DST: variants seen among roughly 807,000 people sequenced by gnomAD.
The protein encoded by DST is dystonin.
Under a neutral mutation model 875.2 loss-of-function variants are expected in DST, and 253 were observed. The observed-to-expected ratio is 0.29, with a 90% CI of 0.26 to 0.32. The LOEUF is 0.32. Among genes scored for constraint, DST ranks in the 10% least tolerant of loss-of-function variants. The pLI, the probability that DST is intolerant of heterozygous loss-of-function variation, is 1.00. For synonymous variants in DST, 3,124 were observed against 3,197.1 expected (o/e 0.98, Z 0.77); for missense variants, 8,287 against 9,111.6 (o/e 0.91, Z 3.68).
intron 50 of DST, among the ~76,000 whole-genome samples, chr6:56,574,830 A>C (rs1172400494): frequency 6.6e-6 from 1 of 152,188 alleles, no homozygotes; most frequent in East Asian, 1.9e-4. Context: ...TTTGAAAAAT[A>C]TTTTAATTAT....
At chr6:56,615,023 A>C in intron 36 of DST, 12 of 1,004,848 alleles carry the variant, frequency 1.2e-5, no homozygotes, top group Non-Finnish European at 1.3e-5. Flanking sequence ...AGGTCACTAT[A>C]TACAGAAAAA....
intron 80 of DST, 85 bp from the exon 81 acceptor site, chr6:56,498,138 T>C (rs750241750): frequency 1.5e-6 from 2 of 1,322,150 alleles, no homozygotes; most frequent in East Asian, 4.6e-5. Flanking sequence ...TTTCTGGTTA[T>C]GAAACATCCT....
intron 3 of DST, among the ~76,000 whole-genome samples, chr6:56,857,655 C>G (rs1404493455): frequency 6.6e-6 from 1 of 152,136 alleles, no homozygotes; most frequent in African/African-American, 2.4e-5. Context: ...TAAACAAAAA[C>G]AGAAAATTTT....
In DST at chr6:56,477,441, G is replaced by A; in HGVS notation, c.21579C>T (p.Ala7193=). 1 of 1,613,876 alleles carries A rather than the reference G, an allele frequency of 6.2e-7. No individual in the cohort carries two copies. Among genetic ancestry groups the A allele is most frequent in the South Asian group, 1.1e-5 (1 of 91,078 alleles). The change falls in exon 91 of 104, where the codon GCC becomes GCT. Residue 7193 remains alanine (A), a synonymous_variant. Transcript: ENST00000680361. ...CCAAAACGGTGTCGCCCATAGTGGTGGCTTTATTTAGTTCAGCTCTCTTTT... is the reference window on the plus strand; with the variant it reads ...CCAAAACGGTGTCGCCCATAGTGGTAGCTTTATTTAGTTCAGCTCTCTTTT... ...LEEKRAELNK[A]TTMGDTVLAI... is the part of the protein sequence containing the mutation.
intron 1 of DST, among the ~76,000 whole-genome samples, 171 bp from the exon 2 acceptor site, chr6:56,953,990 C>T (rs1284011969): frequency 1.3e-5 from 2 of 152,148 alleles, no homozygotes; most frequent in East Asian, 1.9e-4. Flanking sequence ...TCGGTCTCTA[C>T]GTGATTTCTC....
At chr6:56,514,592 C>CAG (rs1289683365) in intron 72 of DST, among the ~76,000 whole-genome samples, 1 of 121,782 alleles carries the variant, frequency 8.2e-6, no homozygotes, top group Non-Finnish European at 1.8e-5. Context: ...CACACACACA[C>CAG]ACACACACAC....
intron 5 of DST, among the ~76,000 whole-genome samples, chr6:56,734,616 G>A (rs940496118): frequency 6.6e-6 from 1 of 152,082 alleles, no homozygotes; most frequent in African/African-American, 2.4e-5. Context: ...ATAACTCCAC[G>A]AAATTACATG....
chr6:56,886,333 T>C (rs1331244652), intron 3 of DST, among the ~76,000 whole-genome samples: 1 of 152,192 alleles, frequency 6.6e-6, no homozygotes, highest in Non-Finnish European at 1.5e-5. Context: ...GCCAATCACC[T>C]ACTCACTGAG....
intron 64 of DST, among the ~76,000 whole-genome samples, chr6:56,531,025 TA>T (rs2096887985): frequency 6.6e-6 from 1 of 152,178 alleles, no homozygotes; most frequent in African/African-American, 2.4e-5. Context: ...CATAAGCTAT[TA>T]AACATAATTT....
chr6:56,645,898 C>A lies in DST; in HGVS notation c.1746G>T (p.Glu582Asp). The change falls in exon 15 of 104, where the codon GAG (glutamate) becomes GAT (aspartate). Residue 582 changes from glutamate (E) to aspartate (D), a missense_variant. Transcript: ENST00000680361. ...EWGKLIIAML[E>D]REKALRPEVE... ...CTTCTGGACGAAGGGCCTTCTCTCT[C>A]TCTAGCATGGCAATAATGAGTTTCC... 1 of 1,613,870 alleles carries A rather than the reference C, an allele frequency of 6.2e-7. No individual in the cohort carries two copies. The highest frequency in any genetic ancestry group is 8.5e-7 in the Non-Finnish European group (1 of 1,179,788).
At chr6:56,670,133 C>CGTGTGTGTGTGTGTGT (rs70989723) in intron 10 of DST, among the ~76,000 whole-genome samples, 12 of 146,296 alleles carry the variant, frequency 8.2e-5, no homozygotes, top group African/African-American at 2.0e-4. Flanking sequence ...AGCGCCCGTG[C>CGTGTGTGTGTGTGTGT]GTGTGTGTGT....
intron 55 of DST, among the ~76,000 whole-genome samples, chr6:56,566,246 A>T (rs527325349): frequency 6.8e-6 from 1 of 147,468 alleles, no homozygotes; most frequent in Non-Finnish European, 1.5e-5. Flanking sequence ...TGCAGTATAG[A>T]AAAAAAAACT....
At chr6:56,879,194 C>T (rs533095167) in intron 3 of DST, among the ~76,000 whole-genome samples, 43 of 152,272 alleles carry the variant, frequency 2.8e-4, no homozygotes, top group African/African-American at 9.9e-4. Context: ...TCCGGCCAGG[C>T]GCGGTGGCTC....
At chr6:56,891,691 G>T (rs750377521) in intron 3 of DST, among the ~76,000 whole-genome samples, 2 of 151,714 alleles carry the variant, frequency 1.3e-5, no homozygotes, top group African/African-American at 2.4e-5. Context: ...CCGTGATTGC[G>T]CGACTGCACT....
At chr6:56,542,364 A>AG (rs1397658255) in intron 61 of DST, 1 of 144,900 alleles carries the variant, frequency 6.9e-6, no homozygotes, top group African/African-American at 2.5e-5. Context: ...TTAGACACCC[A>AG]GGGCAGTACA....
At chr6:56,880,552 G>T (rs942857645) in intron 3 of DST, among the ~76,000 whole-genome samples, 1 of 151,810 alleles carries the variant, frequency 6.6e-6, no homozygotes, top group African/African-American at 2.4e-5. Context: ...GCCGGGCGTG[G>T]TACACACACC....
At chr6:56,939,308 G>T (rs1489774263) in intron 2 of DST, among the ~76,000 whole-genome samples, 4 of 152,228 alleles carry the variant, frequency 2.6e-5, no homozygotes, top group Non-Finnish European at 2.9e-5. Context: ...GACCCCCAAA[G>T]AAGATTTTGG....
chr6:56,610,958 G>T lies in DST; in HGVS notation c.5148-396C>A, dbSNP rs187027874. 8.7e-4 allele frequency among the ~76,000 whole-genome samples: 133 copies of T among 152,206 alleles called. 1 individual carries two copies. Among genetic ancestry groups the T allele is most frequent in the Non-Finnish European group, 1.8e-4 (12 of 67,990 alleles). Reference sequence around the variant, plus strand: ...CAAACAAAGAGGAAATTTATAAGGGGATTAACCTAATTTGCTAAGGTATAC... The same window carrying T: ...CAAACAAAGAGGAAATTTATAAGGGTATTAACCTAATTTGCTAAGGTATAC... On this transcript the variant is annotated intron_variant, in intron 38 of 103. Coordinates refer to ENST00000680361, the MANE Select transcript of DST (RefSeq NM_001374736.1).
At chr6:56,477,514 T>G in intron 90 of DST, 26 bp from the exon 91 acceptor site, 1 of 1,613,654 alleles carries the variant, frequency 6.2e-7, no homozygotes, top group Non-Finnish European at 8.5e-7. Flanking sequence ...AGACTTCAAT[T>G]AACTGTTGGC....
Sources: gnomAD v4.1 joint callset for allele counts (sites outside exome capture counted in the v4.1 genomes callset) on GRCh38, gnomAD v4.1.1 for gene constraint, MANE v1.5 for transcripts, NCBI Gene and HGNC (gene_info 2026-07-23, HGNC 2026-07-21) for gene names.